NRXN3: variants seen among roughly 807,000 people sequenced by gnomAD.
The protein encoded by NRXN3 is neurexin III.
Under a neutral mutation model 137.6 loss-of-function variants are expected in NRXN3, and 32 were observed. The ratio of observed to expected loss-of-function variants is 0.23; its 90% confidence interval spans 0.18 to 0.31. The LOEUF is 0.31. Ranked by LOEUF, NRXN3 falls within the 10% of genes least tolerant of loss-of-function variation. The pLI is 1.00. For synonymous variants in NRXN3, 798 were observed against 784.5 expected (o/e 1.02, Z -0.29); for missense variants, 1,574 against 2,062.5 (o/e 0.76, Z 4.59).
In NRXN3 at chr14:79,138,200, G is replaced by T. The variant is rs532007015; in HGVS notation, c.3262+150059G>T. 3.9e-5 allele frequency among the ~76,000 whole-genome samples: 6 copies of T among 152,160 alleles called. No homozygotes were observed. The South Asian group carries it at 6.2e-4, about 16-fold the overall frequency. On this transcript the variant is annotated intron_variant, in intron 15 of 20. Coordinates refer to ENST00000335750, the MANE Select transcript of NRXN3 (RefSeq NM_001330195.2). Reference sequence around the variant, plus strand: ...TGACAGGGTTTTGCTCTGTCACCCAGGCTGAAGTATAGTAGCATGATAATA... The same window carrying T: ...TGACAGGGTTTTGCTCTGTCACCCATGCTGAAGTATAGTAGCATGATAATA...
chr14:79,140,052 T>C (rs548563734), intron 15 of NRXN3, among the ~76,000 whole-genome samples: 17 of 152,106 alleles, frequency 1.1e-4, no homozygotes, highest in Non-Finnish European at 2.4e-4. Flanking sequence ...TGGAACGCTG[T>C]ATTTGTTGTC....
chr14:79,606,236 C>CA (rs1209059225), intron 16 of NRXN3, among the ~76,000 whole-genome samples: 1 of 151,878 alleles, frequency 6.6e-6, no homozygotes, highest in Non-Finnish European at 1.5e-5. Flanking sequence ...CCATGAAGGC[C>CA]AAAATAAATA....
intron 3 of NRXN3, among the ~76,000 whole-genome samples, chr14:78,280,703 C>T (rs995609794): frequency 6.6e-6 from 1 of 152,174 alleles, no homozygotes; most frequent in Non-Finnish European, 1.5e-5. Context: ...TTTTCTAGTG[C>T]TCACACAGGC....
At chr14:79,553,226 T>A (rs1268145836) in intron 16 of NRXN3, among the ~76,000 whole-genome samples, 1 of 151,972 alleles carries the variant, frequency 6.6e-6, no homozygotes, top group Non-Finnish European at 1.5e-5. Flanking sequence ...TATAAAGGGC[T>A]AACATTTTTA....
chr14:78,360,284 G>T (rs534022974), intron 4 of NRXN3, among the ~76,000 whole-genome samples: 4 of 152,118 alleles, frequency 2.6e-5, no homozygotes, highest in Non-Finnish European at 5.9e-5. Context: ...CCGTCTAGGG[G>T]TCGGGGTCCT....
intron 15 of NRXN3, among the ~76,000 whole-genome samples, chr14:79,319,988 C>A (rs1343532437): frequency 1.3e-5 from 2 of 151,968 alleles, no homozygotes; most frequent in East Asian, 1.9e-4. Context: ...TTTTAAATTT[C>A]TTTTGTACCT....
intron 4 of NRXN3, among the ~76,000 whole-genome samples, chr14:78,422,265 T>A (rs1165856127): frequency 6.6e-6 from 1 of 152,236 alleles, no homozygotes; most frequent in African/African-American, 2.4e-5. Context: ...CCTCTTTGAA[T>A]GCCCTTGTAA....
chr14:79,494,423 T>C (rs1446770541), intron 16 of NRXN3, among the ~76,000 whole-genome samples: 1 of 152,178 alleles, frequency 6.6e-6, no homozygotes, highest in Non-Finnish European at 1.5e-5. Flanking sequence ...AAACTGGTTA[T>C]ACACAGAAAG....
intron 10 of NRXN3, among the ~76,000 whole-genome samples, chr14:78,920,122 A>G (rs924032462): frequency 1.3e-5 from 2 of 152,142 alleles, no homozygotes; most frequent in Admixed American, 1.3e-4. Flanking sequence ...TCCACCTTAC[A>G]TCCTATCTTT....
At chr14:79,831,259 C>CA (rs2099322454) in intron 20 of NRXN3, among the ~76,000 whole-genome samples, 1 of 152,184 alleles carries the variant, frequency 6.6e-6, no homozygotes, top group South Asian at 2.1e-4. Flanking sequence ...CCTATTGCCA[C>CA]AGTTTTCTCT....
At chr14:78,229,277 CT>C (rs80311138) in intron 1 of NRXN3, among the ~76,000 whole-genome samples, 3,703 of 141,936 alleles carry the variant, frequency 0.026, 107 homozygotes, top group African/African-American at 0.08. Context: ...GGGTTTACTT[CT>C]TTTTTTTTTT....
chr14:78,998,060 C>G (rs920194211), intron 15 of NRXN3, among the ~76,000 whole-genome samples: 2 of 152,154 alleles, frequency 1.3e-5, no homozygotes, highest in Non-Finnish European at 2.9e-5. Context: ...TCTCTCCAGG[C>G]AGTAAGCTGG....
intron 15 of NRXN3, among the ~76,000 whole-genome samples, chr14:79,265,605 G>T (rs879740049): frequency 1.3e-5 from 2 of 152,050 alleles, no homozygotes; most frequent in African/African-American, 2.4e-5. Flanking sequence ...AGAATGTATG[G>T]CACCACCCAA....
intron 4 of NRXN3, among the ~76,000 whole-genome samples, chr14:78,631,072 T>C (rs185467947): frequency 6.6e-6 from 1 of 152,354 alleles, no homozygotes; most frequent in East Asian, 1.9e-4. Flanking sequence ...ATGTTCATTA[T>C]AGTTGGTGTG....
chr14:79,840,448 A>G (rs1476989752), intron 20 of NRXN3, among the ~76,000 whole-genome samples: 2 of 152,196 alleles, frequency 1.3e-5, no homozygotes. Context: ...GCTTAAAAGT[A>G]TGAAATAAAT....
Position 78,239,381 on chromosome 14 carries a change from T to A in NRXN3, c.-703-3010T>A, listed in dbSNP as rs1208543765. Among the ~76,000 whole-genome samples the A allele has an allele frequency of 2.0e-5, 3 of 152,234 alleles. No homozygotes were observed. In the East Asian group the frequency reaches 5.8e-4, roughly 29 times the overall value. ...TGATCCAGTAGTGCCTGGAATGAAT[T>A]GGAGCTCAATAAACAGTTGAATTGA... is the stretch of plus-strand genomic sequence containing the variant. On this transcript the variant is annotated intron_variant, in intron 1 of 20. Transcript: ENST00000335750.
intron 10 of NRXN3, among the ~76,000 whole-genome samples, chr14:78,866,758 A>C (rs1295720900): frequency 6.6e-6 from 1 of 152,056 alleles, no homozygotes; most frequent in Non-Finnish European, 1.5e-5. Context: ...TAAACAATAA[A>C]AATACTACCA....
At chr14:78,707,388 A>G (rs1009466732) in intron 6 of NRXN3, among the ~76,000 whole-genome samples, 11 of 152,314 alleles carry the variant, frequency 7.2e-5, no homozygotes, top group Admixed American at 2.6e-4. Flanking sequence ...CTGCTTATTA[A>G]GTTTTTATGG....
intron 10 of NRXN3, among the ~76,000 whole-genome samples, chr14:78,929,510 A>G (rs1043462700): frequency 6.6e-6 from 1 of 152,158 alleles, no homozygotes; most frequent in South Asian, 2.1e-4. Context: ...CTCTAGCTCC[A>G]TCCATGATCC....
Sources: allele counts gnomAD v4.1 joint callset (sites outside exome capture counted in the v4.1 genomes callset), GRCh38; gene constraint gnomAD v4.1.1; transcripts MANE v1.5; gene names NCBI Gene and HGNC (gene_info 2026-07-23, HGNC 2026-07-21).